The following IRF2 variants were observed in gnomAD, a reference collection of about 807,000 sequenced individuals.
IRF2 encodes the protein interferon regulatory factor 2.
IRF2 carries 15 observed loss-of-function variants against 40.6 expected under a neutral mutation model. The observed-to-expected ratio is 0.37, with a 90% CI of 0.25 to 0.57. The LOEUF (loss-of-function observed/expected upper bound fraction) is 0.57, where lower values mean the gene tolerates loss of function less well. IRF2 is among the 20% of genes least tolerant of loss of function. The pLI, the probability that IRF2 is intolerant of heterozygous loss-of-function variation, is 0.77. For synonymous variants in IRF2, 151 were observed against 165.5 expected, an observed-to-expected ratio of 0.91 and a Z score of 0.67; for missense variants, 317 against 455.7, an observed-to-expected ratio of 0.70 and a Z score of 2.77.
intron 1 of IRF2, among the ~76,000 whole-genome samples, chr4:184,456,776 C>CCGAGTCTACG (rs1561126365): frequency 6.6e-6 from 1 of 152,264 alleles, no homozygotes; most frequent in Non-Finnish European, 1.5e-5. Context: ...ACTGAGGGTA[C>CCGAGTCTACG]CGAGTCTACG....
chr4:184,408,310 C>G lies in IRF2; in HGVS notation c.412-35G>C, dbSNP rs770457365. On this transcript the variant is annotated intron_variant, in intron 5 of 8. Coordinates refer to ENST00000393593, the MANE Select transcript of IRF2 (RefSeq NM_002199.4). The surrounding 1 kb of genome is among the most constrained non-coding windows in gnomAD (Gnocchi z 4.9). ...AGAAAAGAAAAAAGAATTGAGAACACTTCCTTTCCCCTCCCTTCTCTTAGC... is the reference window on the plus strand; with the variant it reads ...AGAAAAGAAAAAAGAATTGAGAACAGTTCCTTTCCCCTCCCTTCTCTTAGC... 2.4e-6 allele frequency: 3 copies of G among 1,270,784 alleles called. No individual in the cohort carries two copies. The highest frequency in any genetic ancestry group is 3.5e-6 in the Non-Finnish European group (3 of 868,836). 78.7% of individuals were successfully genotyped at this position (1,270,784 alleles called of 1,614,324 possible).
intron 7 of IRF2, among the ~76,000 whole-genome samples, chr4:184,395,803 C>A (rs1010004967): frequency 6.6e-6 from 1 of 152,254 alleles, no homozygotes; most frequent in Non-Finnish European, 1.5e-5. Flanking sequence ...TGTTGACTGC[C>A]ATCCTGGCAC....
chr4:184,466,298 G>A (rs1258367093), intron 1 of IRF2, among the ~76,000 whole-genome samples: 2 of 152,014 alleles, frequency 1.3e-5, no homozygotes, highest in Non-Finnish European at 2.9e-5. Flanking sequence ...AAATCCGCCC[G>A]CCTCGGCCTC....
At chr4:184,425,564 G>C (rs935485302) in intron 2 of IRF2, among the ~76,000 whole-genome samples, 11 of 152,248 alleles carry the variant, frequency 7.2e-5, no homozygotes, top group Admixed American at 7.2e-4. Flanking sequence ...CCACGGGCAC[G>C]CTCTCCTTCA....
chr4:184,446,691 T>A (rs116027510), intron 1 of IRF2, among the ~76,000 whole-genome samples: 4,029 of 152,042 alleles, frequency 0.026, 219 homozygotes, highest in African/African-American at 0.092. Context: ...AACACAGAAA[T>A]AAATACAGAG....
intron 1 of IRF2, among the ~76,000 whole-genome samples, chr4:184,446,979 T>A (rs572152800): frequency 6.6e-6 from 1 of 152,006 alleles, no homozygotes; most frequent in African/African-American, 2.4e-5. Flanking sequence ...AAAGCATGCA[T>A]ATGTGTAAGT....
At chr4:184,445,704 T>G in intron 1 of IRF2, among the ~76,000 whole-genome samples, 1 of 151,010 alleles carries the variant, frequency 6.6e-6, no homozygotes, top group South Asian at 2.1e-4. Context: ...ATAGAGAACA[T>G]TCTTCTCAAA....
chr4:184,467,311 T>G (rs1417995361), intron 1 of IRF2, among the ~76,000 whole-genome samples: 1 of 152,166 alleles, frequency 6.6e-6, no homozygotes, highest in African/African-American at 2.4e-5. Context: ...GTCTCTTCAC[T>G]CTCTCCCATT....
chr4:184,435,965 CTTTT>C (rs1029407907), intron 1 of IRF2, among the ~76,000 whole-genome samples: 1 of 146,684 alleles, frequency 6.8e-6, no homozygotes, highest in African/African-American at 2.5e-5. Context: ...TTTCTTTTTT[CTTTT>C]TCTTTTTCTT....
At chr4:184,428,582 C>A (rs911289735) in intron 2 of IRF2, 3 of 389,492 alleles carry the variant, frequency 7.7e-6, no homozygotes, top group Non-Finnish European at 1.5e-5. Context: ...AGGATCACTT[C>A]AGCCCAGGAG....
chr4:184,398,341 C>T (rs2149892900), intron 7 of IRF2, among the ~76,000 whole-genome samples: 1 of 152,288 alleles, frequency 6.6e-6, no homozygotes, highest in East Asian at 1.9e-4. Context: ...CTAAAGAAAT[C>T]TTATCTGTAA....
chr4:184,437,405 G>A (rs1326692387), intron 1 of IRF2, among the ~76,000 whole-genome samples: 6 of 152,082 alleles, frequency 3.9e-5, no homozygotes, highest in Admixed American at 3.9e-4. Flanking sequence ...TACCTATGTT[G>A]CCCGGGTTGG....
intron 1 of IRF2, among the ~76,000 whole-genome samples, chr4:184,465,489 G>GA (rs11393875): frequency 0.58 from 87,498 of 150,682 alleles, 25,646 homozygotes; most frequent in African/African-American, 0.65. Context: ...TTTCAAGAAG[G>GA]AAAAAAAAAG....
intron 2 of IRF2, among the ~76,000 whole-genome samples, chr4:184,425,226 G>A (rs1212198576): frequency 1.3e-5 from 2 of 152,160 alleles, no homozygotes; most frequent in African/African-American, 4.8e-5. Flanking sequence ...ATATAAACAA[G>A]GATTCCCAGG....
intron 6 of IRF2, chr4:184,407,262 TAC>T: frequency 7.9e-7 from 1 of 1,271,926 alleles, no homozygotes; most frequent in Non-Finnish European, 1.0e-6. Flanking sequence ...GAAGTCACCA[TAC>T]ACACAACAAA....
intron 5 of IRF2, 133 bp downstream of exon 5, chr4:184,418,034 G>T: frequency 1.3e-6 from 1 of 742,152 alleles, no homozygotes; most frequent in Non-Finnish European, 2.4e-6. Flanking sequence ...GAGCAAACAT[G>T]TAAAGCACAG....
intron 1 of IRF2, among the ~76,000 whole-genome samples, chr4:184,459,449 A>G (rs966501079): frequency 3.3e-5 from 5 of 152,196 alleles, no homozygotes; most frequent in East Asian, 1.9e-4. Flanking sequence ...GCGAGATTCT[A>G]TCTGATTCTC....
At chr4:184,427,238 G>T (rs934994913) in intron 2 of IRF2, among the ~76,000 whole-genome samples, 2 of 152,206 alleles carry the variant, frequency 1.3e-5, no homozygotes, top group Non-Finnish European at 2.9e-5. Context: ...ATACATTGTG[G>T]TAAGACCTTG....
At chr4:184,455,304 T>TC (rs1561125425) in intron 1 of IRF2, among the ~76,000 whole-genome samples, 1 of 100,002 alleles carries the variant, frequency 1.0e-5, no homozygotes, top group East Asian at 3.6e-4. Flanking sequence ...TCTTCTTCTT[T>TC]TTTTTTTTTT....
Sources: gnomAD v4.1 joint callset for allele counts (sites outside exome capture counted in the v4.1 genomes callset) on GRCh38, gnomAD v4.1.1 for gene constraint, Gnocchi (gnomAD v3.1) non-coding constraint, MANE v1.5 for transcripts, NCBI Gene and HGNC (gene_info 2026-07-23, HGNC 2026-07-21) for gene names.